Variants in PARD3 observed in about 807,000 individuals in gnomAD.
The protein encoded by PARD3 is par-3 family cell polarity regulator, also known as partitioning defective 3 homolog.
PARD3 carries 75 observed loss-of-function variants against 155.4 expected under a neutral mutation model. That is an observed-to-expected ratio of 0.48 (90% CI 0.40 to 0.58). The LOEUF is 0.58. Among genes scored for constraint, PARD3 ranks in the 20% least tolerant of loss-of-function variants. The probability of loss-of-function intolerance (pLI) is 0.00; values close to 1 mark genes in which losing one functional copy is unlikely to be tolerated. For synonymous variants in PARD3, 576 were observed against 610.5 expected (o/e 0.94, Z 0.83); for missense variants, 1,642 against 1,721.7 (o/e 0.95, Z 0.82).
At chr10:34,688,461 T>A (rs947688664) in intron 2 of PARD3, among the ~76,000 whole-genome samples, 1 of 152,184 alleles carries the variant, frequency 6.6e-6, no homozygotes, top group African/African-American at 2.4e-5. Context: ...GAAGATAACA[T>A]TAAACTGTTT....
chr10:34,430,946 G>C (rs2075867969), intron 5 of PARD3, among the ~76,000 whole-genome samples: 1 of 152,178 alleles, frequency 6.6e-6, no homozygotes, highest in Non-Finnish European at 1.5e-5. Context: ...GGAACATGTA[G>C]GTCATGTGAT....
At position 34,227,881 on chromosome 10, in the gene PARD3, T is replaced by C. The variant is rs867519957; in HGVS notation, c.3419+41776A>G. Among the ~76,000 whole-genome samples the C allele has an allele frequency of 1.6e-3, 212 of 133,486 alleles. 1 individual carries two copies. The highest frequency in any genetic ancestry group is 4.3e-3 in the African/African-American group (148 of 34,062). The allele number at this position is 133,486 out of a possible 152,430, so 87.6% of individuals were successfully genotyped here. A position where few individuals can be genotyped will look rare whatever the true frequency, so the allele number is the denominator to read the frequency against. ...TTATATATATATATATATATATATA[T>C]ATACTGGGAATATATATGTATATAT... On this transcript the variant is annotated intron_variant, in intron 22 of 24. Coordinates refer to ENST00000374788, the MANE Select transcript of PARD3 (RefSeq NM_001184785.2).
intron 2 of PARD3, among the ~76,000 whole-genome samples, chr10:34,605,736 CTCCTATATATATATA>C (rs2090294480): frequency 5.3e-5 from 1 of 18,970 alleles, no homozygotes; most frequent in African/African-American, 2.8e-4. Context: ...ATATATATAT[CTCCTATATATATATA>C]TATCTCCTAT....
chr10:34,417,952 T>C (rs1314574277), intron 5 of PARD3, among the ~76,000 whole-genome samples: 3 of 152,144 alleles, frequency 2.0e-5, no homozygotes, highest in Non-Finnish European at 4.4e-5. Flanking sequence ...ACATCTTTTT[T>C]CAGTAAAAGC....
At chr10:34,306,226 G>T (rs1018728996) in intron 20 of PARD3, among the ~76,000 whole-genome samples, 2 of 150,456 alleles carry the variant, frequency 1.3e-5, no homozygotes, top group African/African-American at 4.9e-5. Context: ...GGTTGCAGTG[G>T]GCTGAGATCG....
At chr10:34,165,812 T>A (rs906721391) in intron 22 of PARD3, among the ~76,000 whole-genome samples, 2 of 152,230 alleles carry the variant, frequency 1.3e-5, no homozygotes, top group African/African-American at 4.8e-5. Flanking sequence ...ATTCATTGGC[T>A]GGTATATCCC....
intron 1 of PARD3, among the ~76,000 whole-genome samples, chr10:34,776,833 T>TTTG (rs1564608800): frequency 1.0e-4 from 1 of 9,908 alleles, no homozygotes; most frequent in African/African-American, 2.9e-4. Flanking sequence ...CGTGTTTTTT[T>TTTG]GTGGGGGGGG....
chr10:34,143,748 A>T (rs1375135331), intron 22 of PARD3, among the ~76,000 whole-genome samples: 1 of 152,202 alleles, frequency 6.6e-6, no homozygotes, highest in African/African-American at 2.4e-5. Flanking sequence ...ATAAGAGGCT[A>T]ACTCTGAAAC....
chr10:34,346,108 G>A, intron 15 of PARD3: 2 of 1,006,410 alleles, frequency 2.0e-6, no homozygotes, highest in Non-Finnish European at 2.4e-6. Flanking sequence ...ACAGAACTGG[G>A]AGAGAAGTTA....
intron 20 of PARD3, among the ~76,000 whole-genome samples, chr10:34,314,934 G>T (rs1449669996): frequency 6.6e-6 from 1 of 151,924 alleles, no homozygotes; most frequent in East Asian, 1.9e-4. Context: ...AGCCAAGGTG[G>T]GCTGATTCCA....
Position 34,604,122 on chromosome 10 carries a change from A to T in PARD3, c.223-86963T>A, listed in dbSNP as rs146132406. On this transcript the variant is annotated intron_variant, in intron 2 of 24. Transcript: ENST00000374788. ...GTCCGAGTGAAACAAACTGCAACCC[A>T]TCAGTCAACAAGTACAACTAATTTC... Among the ~76,000 whole-genome samples, 562 of 152,358 alleles carry T rather than the reference A, an allele frequency of 3.7e-3. 17 individuals carry two copies. Among genetic ancestry groups the T allele is most frequent in the Admixed American group, 0.031 (472 of 15,302 alleles).
intron 1 of PARD3, among the ~76,000 whole-genome samples, chr10:34,766,996 G>GGAC (rs1207055135): frequency 2.6e-5 from 4 of 152,144 alleles, no homozygotes; most frequent in African/African-American, 9.7e-5. Flanking sequence ...CCCACAAGCA[G>GGAC]CACATCCCTA....
intron 2 of PARD3, among the ~76,000 whole-genome samples, chr10:34,532,633 A>G (rs2082936938): frequency 6.6e-6 from 1 of 152,258 alleles, no homozygotes; most frequent in Non-Finnish European, 1.5e-5. Context: ...CGGCAGATTC[A>G]TAGATCCTTG....
intron 2 of PARD3, among the ~76,000 whole-genome samples, chr10:34,544,566 G>C (rs1009511627): frequency 2.0e-5 from 3 of 152,130 alleles, no homozygotes; most frequent in Non-Finnish European, 4.4e-5. Context: ...GTCCCTCCCA[G>C]TAGCACCAGC....
chr10:34,475,040 T>C (rs1378599901), intron 3 of PARD3, among the ~76,000 whole-genome samples: 1 of 152,196 alleles, frequency 6.6e-6, no homozygotes, highest in Non-Finnish European at 1.5e-5. Flanking sequence ...GGAAACAAAC[T>C]AGATTCAGTG....
intron 7 of PARD3, among the ~76,000 whole-genome samples, chr10:34,391,491 A>T (rs1430314440): frequency 6.6e-6 from 1 of 152,176 alleles, no homozygotes; most frequent in South Asian, 2.1e-4. Flanking sequence ...TATAATTATA[A>T]TCATGTAAAT....
At chr10:34,523,008 A>G (rs929500626) in intron 2 of PARD3, among the ~76,000 whole-genome samples, 1 of 152,200 alleles carries the variant, frequency 6.6e-6, no homozygotes, top group Non-Finnish European at 1.5e-5. Flanking sequence ...TTCGTTTTTG[A>G]TTAATCAAAC....
chr10:34,615,863 G>A (rs2091216280), intron 2 of PARD3, among the ~76,000 whole-genome samples: 1 of 152,084 alleles, frequency 6.6e-6, no homozygotes, highest in Non-Finnish European at 1.5e-5. Flanking sequence ...TTATTCATAA[G>A]AAAAACGCAA....
intron 22 of PARD3, among the ~76,000 whole-genome samples, chr10:34,150,335 A>T (rs1278385994): frequency 6.6e-6 from 1 of 152,232 alleles, no homozygotes; most frequent in African/African-American, 2.4e-5. Flanking sequence ...TAGCTTTGGC[A>T]GTCATCGACA....
Sources: allele counts gnomAD v4.1 joint callset (sites outside exome capture counted in the v4.1 genomes callset), GRCh38; gene constraint gnomAD v4.1.1; transcripts MANE v1.5; gene names NCBI Gene and HGNC (gene_info 2026-07-23, HGNC 2026-07-21).